The following GSPT1 variants were observed in gnomAD, a reference collection of about 807,000 sequenced individuals.
GSPT1 encodes the protein eukaryotic peptide chain release factor GTP-binding subunit ERF3A.
A neutral mutation model predicts 72.5 loss-of-function variants in GSPT1; 20 were observed. The observed-to-expected ratio is 0.28, with a 90% confidence interval of 0.19 to 0.40. The LOEUF (loss-of-function observed/expected upper bound fraction) is 0.40, where lower values mean the gene tolerates loss of function less well. Among genes scored for constraint, GSPT1 ranks in the 10% least tolerant of loss-of-function variants. The probability of loss-of-function intolerance (pLI) is 1.00; values close to 1 mark genes in which losing one functional copy is unlikely to be tolerated. For missense variants in GSPT1, 580 were observed against 811.9 expected, an observed-to-expected ratio of 0.71 and a Z score of 3.47; for synonymous variants, 334 against 293.5, an observed-to-expected ratio of 1.14 and a Z score of -1.41.
intron 14 of GSPT1, 58 bp downstream of exon 14, chr16:11,875,703 G>C (rs2054039550): frequency 7.8e-7 from 1 of 1,283,636 alleles, no homozygotes; most frequent in Non-Finnish European, 1.1e-6. Context: ...AGATGATGAA[G>C]ATGACCAAAG....
chr16:11,884,163 G>T (rs1188186139), intron 10 of GSPT1, among the ~76,000 whole-genome samples: 1 of 152,166 alleles, frequency 6.6e-6, no homozygotes, highest in Non-Finnish European at 1.5e-5. Context: ...TAAAAACAAG[G>T]AAGTTTATTT....
chr16:11,915,484 G>T lies in GSPT1; in HGVS notation c.237C>A (p.Asn79Lys), dbSNP rs753679453. The T allele has an allele frequency of 3.9e-6, 6 of 1,553,508 alleles. No individual in the cohort carries two copies. The African/African-American group carries it at 5.7e-5, about 15-fold the overall frequency. ...LNVNAKPFVPNVHAAEFVPSF... is the reference protein window; with the variant it reads ...LNVNAKPFVPKVHAAEFVPSF... ...ACGGCACGAACTCGGCGGCGTGGAC[G>T]TTGGGCACGAAGGGCTTGGCGTTGA... The change falls in exon 1 of 15, where the codon AAC (asparagine) becomes AAA (lysine). Residue 79 changes from asparagine to lysine, a missense_variant. Asn to Lys is a moderately conservative substitution (Grantham distance 94). Transcript: ENST00000434724.
Position 11,915,522 on chromosome 16 carries a change from G to A in GSPT1, c.199C>T (p.Arg67Trp), listed in dbSNP as rs748556164. The change falls in exon 1 of 15, where the codon CGG becomes TGG. Residue 67 changes from arginine to tryptophan, a missense_variant. Physicochemically the swap from Arg to Trp is moderately radical, Grantham distance 101. Transcript: ENST00000434724. ...QRENLSAAFSRQLNVNAKPFV... is the reference protein window; with the variant it reads ...QRENLSAAFSWQLNVNAKPFV... The stretch of plus-strand genomic sequence containing the variant: ...GGCTTGGCGTTGACGTTGAGTTGCC[G>A]GCTGAAGGCCGCGCTGAGGTTCTCC... 7.2e-6 allele frequency: 11 copies of A among 1,528,624 alleles called. No homozygotes were observed. The South Asian group carries it at 9.7e-5, about 14-fold the overall frequency. The allele number at this position is 1,528,624 out of a possible 1,614,324, so 94.7% of individuals were successfully genotyped here. A position where few individuals can be genotyped will look rare whatever the true frequency, so the allele number is the denominator to read the frequency against.
chr16:11,880,529 T>TA (rs2054108888), intron 11 of GSPT1, among the ~76,000 whole-genome samples: 1 of 152,202 alleles, frequency 6.6e-6, no homozygotes, highest in Admixed American at 6.5e-5. Flanking sequence ...ATCTCACACA[T>TA]AGTGAGAGAC....
At chr16:11,883,470 A>AAAAAAAAAAAAG (rs2054147337) in intron 10 of GSPT1, among the ~76,000 whole-genome samples, 1 of 145,790 alleles carries the variant, frequency 6.9e-6, no homozygotes, top group Non-Finnish European at 1.5e-5. Flanking sequence ...AAAAAAAAAA[A>AAAAAAAAAAAAG]AAATTGCCAG....
intron 5 of GSPT1, among the ~76,000 whole-genome samples, chr16:11,894,583 A>T (rs1415888434): frequency 6.6e-6 from 1 of 152,180 alleles, no homozygotes; most frequent in Non-Finnish European, 1.5e-5. Flanking sequence ...TTTTATTTTT[A>T]AAAAATGTAA....
At position 11,915,349 on chromosome 16, in the gene GSPT1, C is replaced by T. The variant is rs1447949796; in HGVS notation, c.352+20G>A. The T allele has an allele frequency of 5.5e-6, 8 of 1,444,096 alleles. No individual in the cohort carries two copies. The highest frequency in any genetic ancestry group is 7.2e-6 in the Non-Finnish European group (8 of 1,104,826). 89.5% of individuals were successfully genotyped at this position (1,444,096 alleles called of 1,614,324 possible). On this transcript the variant is annotated intron_variant, in intron 1 of 14. Coordinates refer to ENST00000434724, the MANE Select transcript of GSPT1 (RefSeq NM_002094.4). ...GCTCCGGCGCCCGGCCGGACTTCCT[C>T]CCGCGTCCCGGGCCTTTACCCGCAC...
At chr16:11,898,868 A>G (rs997691489) in intron 1 of GSPT1, among the ~76,000 whole-genome samples, 2 of 152,222 alleles carry the variant, frequency 1.3e-5, no homozygotes, top group African/African-American at 4.8e-5. Context: ...GCCATTAAAA[A>G]TATCTGCAGA....
upstream of GSPT1, chr16:11,916,084 G>A: frequency 2.0e-6 from 1 of 509,242 alleles, no homozygotes; most frequent in Non-Finnish European, 3.7e-6. Flanking sequence ...CCCGTTTCCG[G>A]CTATTTAGCG....
intron 1 of GSPT1, among the ~76,000 whole-genome samples, chr16:11,910,599 C>T (rs926818749): frequency 2.0e-5 from 3 of 152,186 alleles, no homozygotes; most frequent in African/African-American, 4.8e-5. Flanking sequence ...ATTCCTTTCT[C>T]TTCAACCAGA....
chr16:11,913,665 A>G (rs1005292986), intron 1 of GSPT1, among the ~76,000 whole-genome samples: 1 of 152,228 alleles, frequency 6.6e-6, no homozygotes, highest in South Asian at 2.1e-4. Flanking sequence ...AAGAGCCAAG[A>G]AAGAAAATGG....
intron 6 of GSPT1, 36 bp from the exon 7 acceptor site, chr16:11,887,786 A>G (rs2054202089): frequency 6.6e-6 from 9 of 1,365,604 alleles, no homozygotes; most frequent in Non-Finnish European, 9.3e-6. Context: ...AATATTCCTA[A>G]GAACATCAGA....
At chr16:11,905,699 C>G (rs1176933560) in intron 1 of GSPT1, among the ~76,000 whole-genome samples, 2 of 152,098 alleles carry the variant, frequency 1.3e-5, no homozygotes, top group African/African-American at 4.8e-5. Context: ...GCTGGGTCTG[C>G]TGGCACACAC....
chr16:11,891,128 CCAGT>C lies in GSPT1; in HGVS notation c.706_709del (p.Thr236GlufsTer29), dbSNP rs1452799069. On this transcript the variant is annotated frameshift_variant, in exon 6 of 15. Transcript: ENST00000434724. LOFTEE classifies it high-confidence loss of function. Reference sequence around the variant, plus strand: ...TTCAAGCGTCCTTTTGTCAACCATTCCAGTCAAATACCTGAAAACATTTAAAGAA... The same window carrying C: ...TTCAAGCGTCCTTTTGTCAACCATTCCAAATACCTGAAAACATTTAAAGAA... The C allele has an allele frequency of 6.8e-7, 1 of 1,472,146 alleles. No individual in the cohort carries two copies. The highest frequency in any genetic ancestry group is 9.2e-7 in the Non-Finnish European group (1 of 1,085,414). The allele number at this position is 1,472,146 out of a possible 1,614,324, so 91.2% of individuals were successfully genotyped here. A position where few individuals can be genotyped will look rare whatever the true frequency, so the allele number is the denominator to read the frequency against.
At chr16:11,886,348 ATTAC>A in intron 9 of GSPT1, 119 bp downstream of exon 9, 1 of 608,860 alleles carries the variant, frequency 1.6e-6, no homozygotes. Flanking sequence ...ATTTTCTTAA[ATTAC>A]TTATAAAGAT....
intron 1 of GSPT1, among the ~76,000 whole-genome samples, chr16:11,911,854 ATTTTTTTTTTTTTTT>A (rs1158026034): frequency 8.8e-5 from 4 of 45,386 alleles, no homozygotes; most frequent in African/African-American, 1.8e-4. Flanking sequence ...ACCCAGCTGT[ATTTTTTTTTTTTTTT>A]TTTTTTTTTT....
chr16:11,915,282 C>A, intron 1 of GSPT1, 87 bp downstream of exon 1: 1 of 1,245,948 alleles, frequency 8.0e-7, no homozygotes, highest in Non-Finnish European at 1.0e-6. Flanking sequence ...CGACCGGGCC[C>A]CAGGGCCGCG....
intron 5 of GSPT1, among the ~76,000 whole-genome samples, chr16:11,894,074 T>C (rs546530008): frequency 1.8e-4 from 26 of 143,208 alleles, no homozygotes; most frequent in African/African-American, 6.1e-4. Flanking sequence ...AAGGATTGCT[T>C]GAGTCCAGGA....
At position 11,871,762 on chromosome 16, in the gene GSPT1, G is replaced by A. The variant is rs890261019; in HGVS notation, c.*1357C>T. The A allele has an allele frequency of 2.6e-5, 4 of 152,010 alleles. No individual in the cohort carries two copies. Among genetic ancestry groups the A allele is most frequent in the African/African-American group, 9.7e-5 (4 of 41,366 alleles). The allele number at this position is 152,010 out of a possible 1,614,324, so 9.4% of individuals were successfully genotyped here. ...ATCAATGGCAACACTCAACATCAAG[G>A]GGGCTTTGGATAAACCCACAAATTG... On this transcript the variant is annotated 3_prime_UTR_variant, in exon 15 of 15. Coordinates refer to ENST00000434724, the MANE Select transcript of GSPT1 (RefSeq NM_002094.4).
Sources: gnomAD v4.1 joint callset for allele counts (sites outside exome capture counted in the v4.1 genomes callset) on GRCh38, gnomAD v4.1.1 for gene constraint, MANE v1.5 for transcripts, NCBI Gene and HGNC (gene_info 2026-07-23, HGNC 2026-07-21) for gene names.